ADAM12: variants seen among roughly 807,000 people sequenced by gnomAD.
The protein encoded by ADAM12 is ADAM metallopeptidase domain 12, also known as disintegrin and metalloproteinase domain-containing protein 12.
A neutral mutation model predicts 106.4 loss-of-function variants in ADAM12; 70 were observed. That is an observed-to-expected ratio of 0.66 (90% CI 0.54 to 0.80). The LOEUF is 0.80. ADAM12 is among the 30% of genes least tolerant of loss of function. ADAM12 has a pLI of 0.00. For missense variants in ADAM12, 1,010 were observed against 1,171.9 expected (o/e 0.86, Z 2.02); for synonymous variants, 420 against 433.5 (o/e 0.97, Z 0.39).
chr10:126,299,668 C>CGG (rs1307024957), intron 2 of ADAM12, among the ~76,000 whole-genome samples: 2 of 151,234 alleles, frequency 1.3e-5, no homozygotes, highest in Non-Finnish European at 2.9e-5. Context: ...CTTTTTTTAA[C>CGG]AGTCTCACTC....
chr10:126,163,863 G>A (rs1432325360), intron 3 of ADAM12, among the ~76,000 whole-genome samples: 1 of 152,178 alleles, frequency 6.6e-6, no homozygotes, highest in East Asian at 1.9e-4. Context: ...ATAAATAAAC[G>A]AATGAGAAAC....
At chr10:126,174,027 T>TTC (rs1188328042) in intron 3 of ADAM12, among the ~76,000 whole-genome samples, 1 of 126,392 alleles carries the variant, frequency 7.9e-6, no homozygotes, top group Non-Finnish European at 1.7e-5. Context: ...TTTTTTTTTT[T>TTC]TTTTTTTTTG....
At position 126,184,893 on chromosome 10, in the gene ADAM12, G is replaced by A. The variant is rs369445257; in HGVS notation, c.261-29588C>T. On this transcript the variant is annotated intron_variant, in intron 3 of 22. Transcript: ENST00000448723. ...TTTCTTCGGGACTCCATGAGGACTG[G>A]AATCAAAACTTTAGTGACCATCACC... 7.2e-5 allele frequency among the ~76,000 whole-genome samples: 11 copies of A among 152,158 alleles called. 1 individual carries two copies. The highest frequency in any genetic ancestry group is 6.5e-4 in the Admixed American group (10 of 15,282).
chr10:126,160,077 C>T lies in ADAM12; in HGVS notation c.261-4772G>A, dbSNP rs191447486. Among the ~76,000 whole-genome samples the T allele has an allele frequency of 5.8e-3, 887 of 152,200 alleles. 6 individuals carry two copies. The highest frequency in any genetic ancestry group is 0.02 in the Middle Eastern group (6 of 294). On this transcript the variant is annotated intron_variant, in intron 3 of 22. Coordinates refer to ENST00000448723, the MANE Select transcript of ADAM12 (RefSeq NM_001288973.2). Reference sequence around the variant, plus strand: ...GATTTACAGATAAGATGCAGTCATACCACTTGTGTACATTGTATCTTCTCA... The same window carrying T: ...GATTTACAGATAAGATGCAGTCATATCACTTGTGTACATTGTATCTTCTCA...
At chr10:126,227,870 C>T (rs1468639489) in intron 3 of ADAM12, among the ~76,000 whole-genome samples, 1 of 152,150 alleles carries the variant, frequency 6.6e-6, no homozygotes. Flanking sequence ...GTGGAGAGGA[C>T]AGTGAGGAGG....
chr10:126,106,118 G>A (rs1033050290), intron 8 of ADAM12, among the ~76,000 whole-genome samples: 1 of 152,074 alleles, frequency 6.6e-6, no homozygotes, highest in African/African-American at 2.4e-5. Context: ...GAAACTGGCG[G>A]TCATGTGGTC....
chr10:126,267,265 C>T (rs567504263), intron 3 of ADAM12, among the ~76,000 whole-genome samples: 5 of 152,228 alleles, frequency 3.3e-5, no homozygotes, highest in African/African-American at 1.2e-4. Flanking sequence ...CTTTTTGGCA[C>T]CTGAGACCGG....
At chr10:126,042,532 C>T (rs1036385102) in intron 18 of ADAM12, among the ~76,000 whole-genome samples, 7 of 152,152 alleles carry the variant, frequency 4.6e-5, no homozygotes, top group African/African-American at 1.4e-4. Context: ...GGGATGACAT[C>T]ATGGGCATAA....
At chr10:126,108,932 T>C (rs1026156759) in intron 7 of ADAM12, among the ~76,000 whole-genome samples, 2 of 152,248 alleles carry the variant, frequency 1.3e-5, no homozygotes, top group Non-Finnish European at 2.9e-5. Flanking sequence ...AGTGACTTGT[T>C]TTGGCAAAGA....
Position 126,034,811 on chromosome 10 carries a change from A to AAAAG in ADAM12, c.2529+1331_2529+1334dup, listed in dbSNP as rs1954029984. Among the ~76,000 whole-genome samples the AAAAG allele has an allele frequency of 2.6e-5, 4 of 152,292 alleles. No homozygotes were observed. In the South Asian group the frequency reaches 8.3e-4, roughly 32 times the overall value. On this transcript the variant is annotated intron_variant, in intron 21 of 22. Transcript: ENST00000448723. ...TTGTGAAATATCATTCATGATTGCA[A>AAAAG]AAAGACAACACTAATACTAATCAAA...
intron 11 of ADAM12, among the ~76,000 whole-genome samples, chr10:126,085,219 G>T (rs1307315844): frequency 6.6e-6 from 1 of 152,078 alleles, no homozygotes; most frequent in Non-Finnish European, 1.5e-5. Flanking sequence ...GGTTTTCTCT[G>T]CTCTATTTTG....
chr10:126,306,652 G>A (rs990408479), intron 2 of ADAM12, among the ~76,000 whole-genome samples: 1 of 152,080 alleles, frequency 6.6e-6, no homozygotes, highest in Non-Finnish European at 1.5e-5. Context: ...TTTGAATTCT[G>A]CATTGGCAGT....
chr10:126,061,181 G>T (rs930194888), intron 14 of ADAM12, among the ~76,000 whole-genome samples: 12 of 152,172 alleles, frequency 7.9e-5, no homozygotes, highest in African/African-American at 2.9e-4. Context: ...CAGACCCCAA[G>T]GATTTGAGTA....
At chr10:126,033,568 G>C (rs1186241476) in intron 21 of ADAM12, among the ~76,000 whole-genome samples, 1 of 152,160 alleles carries the variant, frequency 6.6e-6, no homozygotes, top group Admixed American at 6.5e-5. Flanking sequence ...CAAAAGACTA[G>C]AGAAAGAGCA....
chr10:126,172,615 G>A (rs1180797186), intron 3 of ADAM12, among the ~76,000 whole-genome samples: 2 of 152,230 alleles, frequency 1.3e-5, no homozygotes, highest in Non-Finnish European at 2.9e-5. Context: ...AACAGATGCT[G>A]GAGAGGATGT....
At chr10:126,139,363 T>C (rs959946544) in intron 4 of ADAM12, among the ~76,000 whole-genome samples, 5 of 152,210 alleles carry the variant, frequency 3.3e-5, no homozygotes, top group Admixed American at 3.3e-4. Context: ...TTTTTTCCTA[T>C]TTTGTCTTAC....
Position 126,016,543 on chromosome 10 carries a change from T to C in ADAM12, c.*736A>G, listed in dbSNP as rs1203622773. ...CATTTCTATCAAGCACCGCCTTGAG[T>C]GACACTACAGACCCCTTCCAAACAT... On this transcript the variant is annotated 3_prime_UTR_variant, in exon 23 of 23. Coordinates refer to ENST00000448723, the MANE Select transcript of ADAM12 (RefSeq NM_001288973.2). 6.6e-6 allele frequency: 1 copy of C among 152,138 alleles called. No homozygotes were observed. Among genetic ancestry groups the C allele is most frequent in the African/African-American group, 2.4e-5 (1 of 41,420 alleles). The allele number at this position is 152,138 out of a possible 1,614,324, so 9.4% of individuals were successfully genotyped here.
At chr10:126,098,357 T>C in intron 10 of ADAM12, 59 bp downstream of exon 10, 1 of 1,378,590 alleles carries the variant, frequency 7.3e-7, no homozygotes, top group Non-Finnish European at 1.0e-6. Flanking sequence ...CTGATAAAAG[T>C]AGTGACTTCC....
At chr10:126,158,613 G>A (rs1956870432) in intron 3 of ADAM12, among the ~76,000 whole-genome samples, 1 of 142,030 alleles carries the variant, frequency 7.0e-6, no homozygotes, top group Non-Finnish European at 1.5e-5. Flanking sequence ...AGGCGGGGAG[G>A]ATGCAGAGAG....
Sources: allele counts gnomAD v4.1 joint callset (sites outside exome capture counted in the v4.1 genomes callset), GRCh38; gene constraint gnomAD v4.1.1; transcripts MANE v1.5; gene names NCBI Gene and HGNC (gene_info 2026-07-23, HGNC 2026-07-21).